Variants in CDH7 observed in about 807,000 individuals in gnomAD.
CDH7 encodes the protein cadherin-7.
Under a neutral mutation model 71.8 loss-of-function variants are expected in CDH7, and 25 were observed. That is an observed-to-expected ratio of 0.35 (90% confidence interval 0.25 to 0.49). The LOEUF (loss-of-function observed/expected upper bound fraction) is 0.49. Ranked by LOEUF, CDH7 falls within the 20% of genes least tolerant of loss-of-function variation. The pLI, the probability that CDH7 is intolerant of heterozygous loss-of-function variation, is 0.99. For synonymous variants in CDH7, 381 were observed against 363.8 expected (o/e 1.05, Z -0.54); for missense variants, 862 against 974.6 (o/e 0.88, Z 1.54).
chr18:65,803,360 A>G (rs1568193744), intron 2 of CDH7: 1 of 152,170 alleles, frequency 6.6e-6, no homozygotes, highest in Admixed American at 6.5e-5. Flanking sequence ...TTCATTTGTT[A>G]CTTAATAAAA....
At chr18:65,849,528 C>A (rs569673812) in intron 7 of CDH7, among the ~76,000 whole-genome samples, 1 of 151,264 alleles carries the variant, frequency 6.6e-6, no homozygotes, top group South Asian at 2.1e-4. Context: ...TTCTTCTGCC[C>A]CTGCCTCCCG....
intron 6 of CDH7, among the ~76,000 whole-genome samples, chr18:65,841,839 T>G (rs1912744649): frequency 6.6e-6 from 1 of 152,092 alleles, no homozygotes; most frequent in Admixed American, 6.6e-5. Flanking sequence ...TGGGTTCTCA[T>G]TCTCACCTTT....
intron 2 of CDH7, among the ~76,000 whole-genome samples, chr18:65,781,847 T>C (rs1386845862): frequency 1.8e-4 from 18 of 100,486 alleles, no homozygotes; most frequent in African/African-American, 1.0e-3. Flanking sequence ...TCTTTCTTTC[T>C]TTCTTTCTTT....
intron 6 of CDH7, 36 bp from the exon 7 acceptor site, chr18:65,843,776 C>A (rs771031888): frequency 5.4e-6 from 8 of 1,467,918 alleles, no homozygotes; most frequent in Non-Finnish European, 4.5e-6. Context: ...GACTGTTTAA[C>A]CGGTAATTTA....
intron 6 of CDH7, among the ~76,000 whole-genome samples, chr18:65,840,573 C>A (rs1268688363): frequency 6.6e-6 from 1 of 152,042 alleles, no homozygotes; most frequent in Non-Finnish European, 1.5e-5. Flanking sequence ...GGTGGTTTCC[C>A]CCCATACTGC....
intron 6 of CDH7, among the ~76,000 whole-genome samples, chr18:65,842,173 A>C (rs935698996): frequency 3.9e-5 from 6 of 151,904 alleles, no homozygotes; most frequent in African/African-American, 1.5e-4. Flanking sequence ...CTGTGTTCTA[A>C]TTTTTTTGTT....
intron 6 of CDH7, among the ~76,000 whole-genome samples, chr18:65,842,500 T>C (rs1432425582): frequency 6.6e-6 from 1 of 151,776 alleles, no homozygotes; most frequent in East Asian, 1.9e-4. Flanking sequence ...CATATATTTA[T>C]ATATATAATG....
chr18:65,863,165 G>A (rs1913640309), intron 11 of CDH7: 1 of 534,062 alleles, frequency 1.9e-6, no homozygotes, highest in East Asian at 3.2e-5. Flanking sequence ...AGCCTCCCGA[G>A]TAGCTGGGAT....
chr18:65,796,638 G>A (rs1256472807), intron 2 of CDH7, among the ~76,000 whole-genome samples: 3 of 152,054 alleles, frequency 2.0e-5, no homozygotes, highest in Non-Finnish European at 4.4e-5. Context: ...ACAAAGTAAA[G>A]ATCAGACAAA....
At chr18:65,805,811 T>C (rs1226837621) in intron 2 of CDH7, among the ~76,000 whole-genome samples, 3 of 152,200 alleles carry the variant, frequency 2.0e-5, no homozygotes, top group African/African-American at 7.2e-5. Context: ...AAAGATACTC[T>C]TGTAGACAAA....
intron 6 of CDH7, among the ~76,000 whole-genome samples, chr18:65,834,725 C>A (rs1912473355): frequency 6.6e-6 from 1 of 152,110 alleles, no homozygotes; most frequent in African/African-American, 2.4e-5. Context: ...AGTCAAGGAA[C>A]TGGAGCTCTT....
At chr18:65,793,646 C>T (rs558615681) in intron 2 of CDH7, among the ~76,000 whole-genome samples, 1 of 152,204 alleles carries the variant, frequency 6.6e-6, no homozygotes, top group South Asian at 2.1e-4. Context: ...CTGTACTAAT[C>T]ACCAAAGTAT....
At chr18:65,842,360 T>C (rs1330022670) in intron 6 of CDH7, among the ~76,000 whole-genome samples, 1 of 151,878 alleles carries the variant, frequency 6.6e-6, no homozygotes, top group African/African-American at 2.4e-5. Flanking sequence ...CTAGATATTG[T>C]AAGCCTATTT....
At chr18:65,768,104 C>G (rs1916431090) in intron 2 of CDH7, among the ~76,000 whole-genome samples, 1 of 152,152 alleles carries the variant, frequency 6.6e-6, no homozygotes, top group South Asian at 2.1e-4. Flanking sequence ...GTATGTTGAT[C>G]AAAATCATTT....
chr18:65,864,910 A>T (rs953652265), intron 11 of CDH7, among the ~76,000 whole-genome samples: 10 of 150,774 alleles, frequency 6.6e-5, no homozygotes, highest in Non-Finnish European at 1.5e-4. Flanking sequence ...AAAAAAAAAA[A>T]AAAATCCATT....
rs1911919286 is a variant in CDH7 at position 65,821,302 on chromosome 18, C to G, written c.626-779C>G. Reference sequence around the variant, plus strand: ...TGAAAAATCCATAAAATCATTATGGCTCTGAGAAGAGTATCTATATATTAG... The same window carrying G: ...TGAAAAATCCATAAAATCATTATGGGTCTGAGAAGAGTATCTATATATTAG... On this transcript the variant is annotated intron_variant, in intron 4 of 11. Transcript: ENST00000397968. 2.6e-5 allele frequency among the ~76,000 whole-genome samples: 4 copies of G among 152,072 alleles called. No homozygotes were observed. In the South Asian group the frequency reaches 8.3e-4, roughly 32 times the overall value.
rs1286439620 is a variant in CDH7 at position 65,885,583 on chromosome 18, G to GCCAGGATGA, written c.*4689_*4690insCCAGGATGA. On this transcript the variant is annotated 3_prime_UTR_variant, in exon 12 of 12. Transcript: ENST00000397968. ...TTAGTACAGACGGGGTTTCACCGTG[G>GCCAGGATGA]TCTCGATCTCCTGACCTCGTGATTC... The GCCAGGATGA allele has an allele frequency of 2.0e-5, 3 of 150,944 alleles. No individual in the cohort carries two copies. Among genetic ancestry groups the GCCAGGATGA allele is most frequent in the Non-Finnish European group, 4.4e-5 (3 of 67,750 alleles). The allele number at this position is 150,944 out of a possible 1,614,324, so 9.4% of individuals were successfully genotyped here.
At chr18:65,768,909 C>T (rs1916460858) in intron 2 of CDH7, among the ~76,000 whole-genome samples, 1 of 152,002 alleles carries the variant, frequency 6.6e-6, no homozygotes, top group Non-Finnish European at 1.5e-5. Flanking sequence ...CTAAACCTAC[C>T]CTCTGTGTTT....
At chr18:65,854,918 C>CATGTAT (rs1411652911) in intron 7 of CDH7, among the ~76,000 whole-genome samples, 3 of 17,062 alleles carry the variant, frequency 1.8e-4, no homozygotes, top group African/African-American at 3.5e-4. Flanking sequence ...TATATGTGTA[C>CATGTAT]ACATATATAT....
Sources: gnomAD v4.1 joint callset for allele counts (sites outside exome capture counted in the v4.1 genomes callset) on GRCh38, gnomAD v4.1.1 for gene constraint, MANE v1.5 for transcripts, NCBI Gene and HGNC (gene_info 2026-07-23, HGNC 2026-07-21) for gene names.